CDH12: variants seen among roughly 807,000 people sequenced by gnomAD.
CDH12 encodes cadherin-12.
In CDH12, 41 loss-of-function variants were observed where a neutral mutation model predicts 74.1. The observed-to-expected ratio is 0.55, with a 90% CI of 0.43 to 0.72. The LOEUF (loss-of-function observed/expected upper bound fraction) is 0.72, where lower values mean the gene tolerates loss of function less well. Ranked by LOEUF, CDH12 falls within the 30% of genes least tolerant of loss-of-function variation. The probability of loss-of-function intolerance (pLI) is 0.00; values close to 1 mark genes in which losing one functional copy is unlikely to be tolerated. For synonymous variants in CDH12, 399 were observed against 355.0 expected, an observed-to-expected ratio of 1.12 and a Z score of -1.39; for missense variants, 945 against 977.2, an observed-to-expected ratio of 0.97 and a Z score of 0.44.
chr5:22,100,652 GACACACACACACACAC>G (rs150777646), intron 4 of CDH12, among the ~76,000 whole-genome samples: 4 of 144,242 alleles, frequency 2.8e-5, no homozygotes. Flanking sequence ...CCATACATTA[GACACACACACACACAC>G]ACACACACAC....
At chr5:22,096,647 G>A (rs1743799643) in intron 4 of CDH12, among the ~76,000 whole-genome samples, 1 of 152,010 alleles carries the variant, frequency 6.6e-6, no homozygotes, top group African/African-American at 2.4e-5. Context: ...TTTAAAAGGT[G>A]GCTGGAGCTA....
At chr5:22,303,129 T>C (rs192195281) in intron 3 of CDH12, among the ~76,000 whole-genome samples, 37 of 152,254 alleles carry the variant, frequency 2.4e-4, no homozygotes, top group Non-Finnish European at 4.6e-4. Flanking sequence ...TCTGATTAAA[T>C]GTCAAATTGT....
intron 1 of CDH12, among the ~76,000 whole-genome samples, chr5:22,505,574 C>G (rs1486922878): frequency 6.6e-6 from 1 of 151,980 alleles, no homozygotes; most frequent in Non-Finnish European, 1.5e-5. Flanking sequence ...ACTTACAATG[C>G]TGCTTTTGAT....
At chr5:22,715,636 A>G (rs896280241) in intron 1 of CDH12, among the ~76,000 whole-genome samples, 1 of 151,692 alleles carries the variant, frequency 6.6e-6, no homozygotes, top group South Asian at 2.1e-4. Context: ...TCCCGTCTCT[A>G]TTAAAAATAC....
At chr5:22,832,101 A>G (rs950631824) in intron 1 of CDH12, among the ~76,000 whole-genome samples, 1 of 152,164 alleles carries the variant, frequency 6.6e-6, no homozygotes, top group African/African-American at 2.4e-5. Context: ...GTTATAAATC[A>G]TATCTAAAAG....
intron 5 of CDH12, among the ~76,000 whole-genome samples, chr5:22,031,336 T>C (rs532266037): frequency 6.6e-6 from 1 of 151,974 alleles, no homozygotes; most frequent in East Asian, 1.9e-4. Context: ...TCTAATAAAA[T>C]AAAATAAGTA....
chr5:22,111,927 T>C (rs1192128160), intron 4 of CDH12, among the ~76,000 whole-genome samples: 3 of 152,126 alleles, frequency 2.0e-5, no homozygotes, highest in African/African-American at 7.2e-5. Flanking sequence ...TGTTCTAGAA[T>C]TCATAGTAAA....
chr5:22,421,576 C>T (rs992747718), intron 2 of CDH12, among the ~76,000 whole-genome samples: 2 of 151,824 alleles, frequency 1.3e-5, no homozygotes, highest in African/African-American at 4.8e-5. Flanking sequence ...TTTTATTTAT[C>T]CAGTCTATCA....
intron 2 of CDH12, among the ~76,000 whole-genome samples, chr5:22,467,636 C>T (rs1745790128): frequency 6.6e-6 from 1 of 152,070 alleles, no homozygotes; most frequent in Non-Finnish European, 1.5e-5. Flanking sequence ...ATATCTGGCA[C>T]ATAGTAGTTG....
chr5:21,852,358 T>C (rs1371433869), intron 7 of CDH12, among the ~76,000 whole-genome samples: 1 of 151,360 alleles, frequency 6.6e-6, no homozygotes, highest in Admixed American at 6.6e-5. Context: ...ATATAAAATA[T>C]AAATACAAAA....
intron 3 of CDH12, among the ~76,000 whole-genome samples, chr5:22,299,612 G>A (rs527322463): frequency 1.3e-5 from 2 of 152,208 alleles, no homozygotes; most frequent in African/African-American, 4.8e-5. Context: ...AATCTCTTTG[G>A]TCTTAGCTTT....
At chr5:22,542,208 C>T (rs984198132) in intron 1 of CDH12, among the ~76,000 whole-genome samples, 3 of 152,136 alleles carry the variant, frequency 2.0e-5, no homozygotes, top group East Asian at 1.9e-4. Context: ...CCTTTCCTAG[C>T]GTTAAGTTCT....
At chr5:22,447,547 C>T (rs1744863623) in intron 2 of CDH12, among the ~76,000 whole-genome samples, 1 of 152,026 alleles carries the variant, frequency 6.6e-6, no homozygotes, top group South Asian at 2.1e-4. Context: ...TTAAATAATA[C>T]ATGCTTGGAT....
chr5:22,631,814 A>C (rs2126857453), intron 1 of CDH12, among the ~76,000 whole-genome samples: 1 of 152,238 alleles, frequency 6.6e-6, no homozygotes, highest in Middle Eastern at 3.4e-3. Flanking sequence ...CTGGAGCAGG[A>C]CAAAGAGAGG....
intron 6 of CDH12, among the ~76,000 whole-genome samples, chr5:21,945,427 CAA>C (rs1167475672): frequency 2.3e-3 from 36 of 15,514 alleles, no homozygotes; most frequent in African/African-American, 7.6e-3. Flanking sequence ...CTGTTTCAGA[CAA>C]AAAAAAAAAA....
At chr5:21,807,411 G>A (rs1459936346) in intron 9 of CDH12, among the ~76,000 whole-genome samples, 1 of 152,104 alleles carries the variant, frequency 6.6e-6, no homozygotes, top group East Asian at 1.9e-4. Flanking sequence ...CATGGTCTCA[G>A]AGAATTGGTT....
chr5:22,313,769 G>T (rs1738489522), intron 3 of CDH12, among the ~76,000 whole-genome samples: 1 of 152,104 alleles, frequency 6.6e-6, no homozygotes, highest in African/African-American at 2.4e-5. Flanking sequence ...GAAACGGAAG[G>T]AAGTTATGAG....
At chr5:22,398,688 ATCTG>A (rs1742575364) in intron 3 of CDH12, among the ~76,000 whole-genome samples, 1 of 152,202 alleles carries the variant, frequency 6.6e-6, no homozygotes, top group Non-Finnish European at 1.5e-5. Flanking sequence ...CACCAGAGAC[ATCTG>A]TTCCTTCTTC....
At chr5:22,501,174 G>A (rs930263198) in intron 2 of CDH12, among the ~76,000 whole-genome samples, 1 of 152,080 alleles carries the variant, frequency 6.6e-6, no homozygotes, top group Non-Finnish European at 1.5e-5. Context: ...TGACCTTTAA[G>A]ATTAACTGAA....
Sources: gnomAD v4.1 joint callset for allele counts (sites outside exome capture counted in the v4.1 genomes callset) on GRCh38, gnomAD v4.1.1 for gene constraint, MANE v1.5 for transcripts, NCBI Gene and HGNC (gene_info 2026-07-23, HGNC 2026-07-21) for gene names.